Variants in TASP1 observed in about 807,000 individuals in gnomAD.
The protein encoded by TASP1 is taspase 1, also known as threonine aspartase 1.
Under a neutral mutation model 56.6 loss-of-function variants are expected in TASP1, and 16 were observed. The observed-to-expected ratio is 0.28, with a 90% confidence interval of 0.19 to 0.43. TASP1 has a LOEUF of 0.43. TASP1 is among the 20% of genes least tolerant of loss of function. The pLI is 1.00. For synonymous variants in TASP1, 179 were observed against 184.2 expected (o/e 0.97, Z 0.23); for missense variants, 393 against 511.6 (o/e 0.77, Z 2.24).
the TASP1 span, among the ~76,000 whole-genome samples, chr20:13,359,013 C>CTCCTTGTCTCTACCCCTTCTCTCCTTTT: frequency 6.6e-6 from 1 of 150,584 alleles, no homozygotes; most frequent in Admixed American, 6.6e-5. Flanking sequence ...AACCCCTTCT[C>CTCCTTGTCTCTACCCCTTCTCTCCTTTT]CTTCACCCTT....
the TASP1 span, among the ~76,000 whole-genome samples, chr20:13,328,670 T>C: frequency 3.3e-5 from 5 of 151,812 alleles, no homozygotes; most frequent in Admixed American, 6.6e-5. Flanking sequence ...ATGCATGGAG[T>C]GGGAAGCCAT....
chr20:13,489,061 T>C (rs192896374), intron 10 of TASP1, among the ~76,000 whole-genome samples: 37 of 152,254 alleles, frequency 2.4e-4, no homozygotes, highest in Non-Finnish European at 4.7e-4. Flanking sequence ...ACTTAAAATA[T>C]AATTCTCACT....
chr20:13,471,559 T>C (rs1049691645), intron 11 of TASP1, among the ~76,000 whole-genome samples: 17 of 152,196 alleles, frequency 1.1e-4, no homozygotes, highest in Non-Finnish European at 2.2e-4. Context: ...TGAGAGTCTT[T>C]AGTACATGAC....
chr20:13,260,621 T>C, the TASP1 span, among the ~76,000 whole-genome samples: 1 of 151,948 alleles, frequency 6.6e-6, no homozygotes, highest in South Asian at 2.1e-4. Flanking sequence ...TTTTTTGAAG[T>C]TAGTGTGAAA....
At chr20:13,284,279 C>T in the TASP1 span, among the ~76,000 whole-genome samples, 1 of 152,186 alleles carries the variant, frequency 6.6e-6, no homozygotes, top group Non-Finnish European at 1.5e-5. Flanking sequence ...GCCCACAGGA[C>T]GCTAGTGCCC....
intron 10 of TASP1, among the ~76,000 whole-genome samples, chr20:13,512,762 T>C (rs1271998583): frequency 2.6e-5 from 4 of 152,246 alleles, no homozygotes; most frequent in African/African-American, 9.6e-5. Context: ...TTGATCCATC[T>C]TGAATTAATT....
At chr20:13,606,649 T>C (rs1229204383) in intron 4 of TASP1, among the ~76,000 whole-genome samples, 2 of 151,586 alleles carry the variant, frequency 1.3e-5, no homozygotes, top group Non-Finnish European at 2.9e-5. Flanking sequence ...CTACTAAAAA[T>C]ACAAAAAATT....
At chr20:13,112,619 G>C in the TASP1 span, among the ~76,000 whole-genome samples, 2 of 152,178 alleles carry the variant, frequency 1.3e-5, no homozygotes, top group Admixed American at 6.6e-5. Context: ...ATGACACAGA[G>C]TGAAGTCCCC....
the TASP1 span, chr20:13,165,667 C>T: frequency 0.17 from 25,381 of 152,148 alleles, 2,562 homozygotes; most frequent in Non-Finnish European, 0.23. Flanking sequence ...TGGTGCAGTG[C>T]ACGGTGAATG....
chr20:13,393,209 C>T (rs187365173), intron 13 of TASP1: 80 of 717,420 alleles, frequency 1.1e-4, no homozygotes, highest in African/African-American at 9.4e-4. Context: ...CCACAGTCCA[C>T]GCTATCACTG....
At chr20:13,473,870 C>T (rs2044617476) in intron 11 of TASP1, among the ~76,000 whole-genome samples, 1 of 152,046 alleles carries the variant, frequency 6.6e-6, no homozygotes, top group African/African-American at 2.4e-5. Context: ...CCCAGGAGTT[C>T]AAGATCAGCC....
chr20:13,376,366 T>C, the TASP1 span, among the ~76,000 whole-genome samples: 1 of 152,190 alleles, frequency 6.6e-6, no homozygotes, highest in Non-Finnish European at 1.5e-5. Context: ...GTCAGGTTTG[T>C]CAAAGATCAG....
chr20:13,257,879 G>A, the TASP1 span, among the ~76,000 whole-genome samples: 1 of 152,070 alleles, frequency 6.6e-6, no homozygotes, highest in Admixed American at 6.5e-5. Flanking sequence ...AATTCAAAGT[G>A]GCTGCAGACT....
intron 7 of TASP1, among the ~76,000 whole-genome samples, chr20:13,569,264 T>G (rs910543440): frequency 2.0e-5 from 3 of 152,052 alleles, no homozygotes; most frequent in Admixed American, 2.0e-4. Context: ...TTATTTTAAG[T>G]AATCTCTAAA....
At chr20:13,531,244 G>GTAAC (rs2045205850) in intron 9 of TASP1, among the ~76,000 whole-genome samples, 2 of 151,914 alleles carry the variant, frequency 1.3e-5, no homozygotes, top group Admixed American at 6.6e-5. Flanking sequence ...AAGATGTTAA[G>GTAAC]TAACTTGTTC....
chr20:13,126,787 C>T, the TASP1 span: 3 of 1,574,822 alleles, frequency 1.9e-6, no homozygotes, highest in Non-Finnish European at 2.6e-6. Context: ...AATCTCCCCG[C>T]TTCTCAAATA....
intron 3 of TASP1, 121 bp from the exon 4 acceptor site, chr20:13,623,635 T>C: frequency 1.4e-6 from 1 of 691,428 alleles, no homozygotes; most frequent in Non-Finnish European, 2.5e-6. Context: ...TTCCATTCCA[T>C]ACTTTAAGAC....
At chr20:13,556,177 A>C (rs1310902121) in intron 8 of TASP1, among the ~76,000 whole-genome samples, 2 of 152,120 alleles carry the variant, frequency 1.3e-5, no homozygotes, top group East Asian at 3.9e-4. Flanking sequence ...AAAACCCTTA[A>C]ATCCTCTGCT....
the TASP1 span, among the ~76,000 whole-genome samples, chr20:13,143,649 C>T: frequency 2.0e-5 from 3 of 152,218 alleles, no homozygotes; most frequent in Non-Finnish European, 4.4e-5. Flanking sequence ...ATACCCTCCT[C>T]CCTGAGGCCT....
Sources: allele counts gnomAD v4.1 joint callset (sites outside exome capture counted in the v4.1 genomes callset), GRCh38; gene constraint gnomAD v4.1.1; transcripts MANE v1.5; gene names NCBI Gene and HGNC (gene_info 2026-07-23, HGNC 2026-07-21).